The following CFAP58 variants were observed in gnomAD, a reference collection of about 807,000 sequenced individuals.
CFAP58 encodes the protein cilia and flagella associated protein 58.
CFAP58 carries 88 observed loss-of-function variants against 119.5 expected under a neutral mutation model. The ratio of observed to expected loss-of-function variants is 0.74; its 90% CI spans 0.62 to 0.88. The LOEUF (loss-of-function observed/expected upper bound fraction) is 0.88, where lower values mean the gene tolerates loss of function less well. Among genes scored for constraint, CFAP58 ranks in the 40% least tolerant of loss-of-function variants. The probability of loss-of-function intolerance (pLI) is 0.00; values close to 1 mark genes in which losing one functional copy is unlikely to be tolerated. For missense variants in CFAP58, 990 were observed against 1,021.2 expected (o/e 0.97, Z 0.42); for synonymous variants, 365 against 366.3 (o/e 1.00, Z 0.04).
intron 5 of CFAP58, 76 bp from the exon 6 acceptor site, chr10:104,368,347 T>TG (rs1430034665): frequency 6.8e-7 from 1 of 1,467,292 alleles, no homozygotes; most frequent in Non-Finnish European, 9.2e-7. Flanking sequence ...AGGAGGTTTG[T>TG]GGGGCCCCCT....
chr10:104,364,017 A>G (rs905172000), intron 3 of CFAP58, among the ~76,000 whole-genome samples: 2 of 152,244 alleles, frequency 1.3e-5, no homozygotes, highest in African/African-American at 4.8e-5. Context: ...TTTACAATTC[A>G]AATCAATGAA....
intron 15 of CFAP58, among the ~76,000 whole-genome samples, chr10:104,446,688 G>T (rs2013116905): frequency 1.3e-5 from 2 of 152,156 alleles, no homozygotes; most frequent in South Asian, 4.1e-4. Flanking sequence ...AGACACACTA[G>T]ACTTTATCAA....
At chr10:104,433,887 T>C (rs796937701) in intron 15 of CFAP58, among the ~76,000 whole-genome samples, 2 of 152,378 alleles carry the variant, frequency 1.3e-5, no homozygotes, top group African/African-American at 4.8e-5. Flanking sequence ...GCAGCTGTCA[T>C]TGTCAATGTA....
intron 15 of CFAP58, among the ~76,000 whole-genome samples, 178 bp downstream of exon 15, chr10:104,406,971 G>A (rs965249522): frequency 5.3e-5 from 8 of 152,156 alleles, no homozygotes; most frequent in African/African-American, 1.4e-4. Context: ...TTTACGTTGC[G>A]ATCACTGATA....
rs958382059 is a variant in CFAP58 at position 104,430,058 on chromosome 10, C to T, written c.2257-17640C>T. Among the ~76,000 whole-genome samples, 5 of 152,246 alleles carry T rather than the reference C, an allele frequency of 3.3e-5. No individual in the cohort carries two copies. The East Asian group carries it at 9.6e-4, about 29-fold the overall frequency. ...TGGGCAGCACATGAAAGGAGCTATT[C>T]TAGAGCTTTTGAAGTCAAGAATGTG... On this transcript the variant is annotated intron_variant, in intron 15 of 17. Coordinates refer to ENST00000369704, the MANE Select transcript of CFAP58 (RefSeq NM_001008723.2).
chr10:104,353,158 G>A (rs1010989825), upstream of CFAP58: 2 of 152,104 alleles, frequency 1.3e-5, 1 homozygote, highest in Admixed American at 1.3e-4. Flanking sequence ...GGGAGAAGAG[G>A]GCGAAGAAAC....
Position 104,380,153 on chromosome 10 carries a change from A to G in CFAP58, c.1298A>G (p.Lys433Arg). The G allele has an allele frequency of 6.2e-7, 1 of 1,614,164 alleles. No homozygotes were observed. The highest frequency in any genetic ancestry group is 8.5e-7 in the Non-Finnish European group (1 of 1,180,016). The change falls in exon 9 of 18, where the codon AAG (lysine) becomes AGG (arginine). Residue 433 changes from lysine (K) to arginine (R), a missense_variant. By Grantham distance (26) the Lys-to-Arg change is conservative. Transcript: ENST00000369704. ...AAGGATGAGGCTCAGAAGCAGAGAA[A>G]GATCATCTTTCATCTGGAAAAGGAG... ...NYKDEAQKQR[K>R]IIFHLEKERD...
the CFAP58 span, among the ~76,000 whole-genome samples, chr10:104,338,779 G>C: frequency 6.6e-6 from 1 of 152,232 alleles, no homozygotes; most frequent in Non-Finnish European, 1.5e-5. Flanking sequence ...AGTTTTCTGC[G>C]GCGCGTTTTA....
Position 104,357,944 on chromosome 10 carries a change from T to A in CFAP58, c.10-397T>A, listed in dbSNP as rs571939272. Among the ~76,000 whole-genome samples the A allele has an allele frequency of 1.0e-4, 12 of 115,168 alleles. 1 individual carries two copies. The highest frequency in any genetic ancestry group is 4.5e-4 in the African/African-American group (11 of 24,678). The allele number at this position is 115,168 out of a possible 152,430, so 75.6% of individuals were successfully genotyped here. A position where few individuals can be genotyped will look rare whatever the true frequency, so the allele number is the denominator to read the frequency against. ...ATGTACACATATACACACATATATG[T>A]ACACATATATACACATATATGTACA... is the stretch of plus-strand genomic sequence containing the variant. On this transcript the variant is annotated intron_variant, in intron 1 of 17. Coordinates refer to ENST00000369704, the MANE Select transcript of CFAP58 (RefSeq NM_001008723.2).
intron 7 of CFAP58, among the ~76,000 whole-genome samples, chr10:104,376,476 C>A (rs2011664586): frequency 6.9e-6 from 1 of 144,072 alleles, no homozygotes; most frequent in African/African-American, 2.6e-5. Flanking sequence ...GCACTCCAGC[C>A]TGGGCGACAG....
intron 6 of CFAP58, among the ~76,000 whole-genome samples, chr10:104,369,721 G>T (rs2014797857): frequency 6.6e-6 from 1 of 152,158 alleles, no homozygotes; most frequent in Non-Finnish European, 1.5e-5. Flanking sequence ...ATCAGATCAT[G>T]AGCCTAATGG....
At chr10:104,350,946 C>G (rs1438585631), upstream of CFAP58, among the ~76,000 whole-genome samples, 1 of 152,184 alleles carries the variant, frequency 6.6e-6, no homozygotes, top group Non-Finnish European at 1.5e-5. Flanking sequence ...GACACACAGC[C>G]CTGCACTTGA....
chr10:104,390,865 G>C (rs1268099279), intron 9 of CFAP58, among the ~76,000 whole-genome samples: 2 of 151,954 alleles, frequency 1.3e-5, no homozygotes, highest in Non-Finnish European at 2.9e-5. Flanking sequence ...CTGTTACTAG[G>C]TTTATCAAAT....
chr10:104,427,168 C>T (rs1042756093), intron 15 of CFAP58, among the ~76,000 whole-genome samples: 3 of 152,070 alleles, frequency 2.0e-5, no homozygotes, highest in East Asian at 1.9e-4. Flanking sequence ...AGTCCAAAGT[C>T]GGTGGTCTAA....
chr10:104,409,178 T>C (rs933452927), intron 15 of CFAP58, among the ~76,000 whole-genome samples: 8 of 152,210 alleles, frequency 5.3e-5, no homozygotes, highest in Non-Finnish European at 1.0e-4. Context: ...TGTTGTATAT[T>C]TTCAGAATTA....
rs2012099630 is a variant in CFAP58 at position 104,393,743 on chromosome 10, TATC to T, written c.1674+271_1674+273del. On this transcript the variant is annotated intron_variant, in intron 11 of 17. Transcript: ENST00000369704. Reference sequence around the variant, plus strand: ...ACACACCCCTTTCATTTATGCAGGCTATCATACATCAGTGGGAGAGAACCTAGC... The same window carrying T: ...ACACACCCCTTTCATTTATGCAGGCTATACATCAGTGGGAGAGAACCTAGC... Among the ~76,000 whole-genome samples, 3 of 152,192 alleles carry T rather than the reference TATC, an allele frequency of 2.0e-5. No individual in the cohort carries two copies. In the South Asian group the frequency reaches 6.2e-4, roughly 32 times the overall value.
chr10:104,387,955 G>T (rs1564888278), intron 9 of CFAP58, among the ~76,000 whole-genome samples: 1 of 152,130 alleles, frequency 6.6e-6, no homozygotes, highest in African/African-American at 2.4e-5. Context: ...TCCAGGAAAT[G>T]AATAATAATG....
chr10:104,451,154 C>T (rs2013189803), intron 17 of CFAP58, among the ~76,000 whole-genome samples: 1 of 152,164 alleles, frequency 6.6e-6, no homozygotes, highest in Non-Finnish European at 1.5e-5. Flanking sequence ...CTTGTAGTGA[C>T]TCACGTTATG....
At chr10:104,435,214 G>C (rs1023360163) in intron 15 of CFAP58, among the ~76,000 whole-genome samples, 1 of 152,212 alleles carries the variant, frequency 6.6e-6, no homozygotes, top group Non-Finnish European at 1.5e-5. Context: ...GGACATGTTG[G>C]CTCAAGGCTG....
Sources: gnomAD v4.1 joint callset for allele counts (sites outside exome capture counted in the v4.1 genomes callset) on GRCh38, gnomAD v4.1.1 for gene constraint, MANE v1.5 for transcripts, NCBI Gene and HGNC (gene_info 2026-07-23, HGNC 2026-07-21) for gene names.